RBFOX1: variants seen among roughly 807,000 people sequenced by gnomAD.
The protein encoded by RBFOX1 is RNA binding protein fox-1 homolog 1.
In RBFOX1, 8 loss-of-function variants were observed where a neutral mutation model predicts 57.7. The ratio of observed to expected loss-of-function variants is 0.14; its 90% confidence interval spans 0.08 to 0.25. RBFOX1 has a LOEUF of 0.25. RBFOX1 is among the 10% of genes least tolerant of loss of function. RBFOX1 has a pLI of 1.00. For synonymous variants in RBFOX1, 326 were observed against 222.4 expected (o/e 1.47, Z -4.15); for missense variants, 611 against 548.5 (o/e 1.11, Z -1.14).
intron 3 of RBFOX1, among the ~76,000 whole-genome samples, chr16:6,942,716 A>G (rs2078766147): frequency 6.6e-6 from 1 of 152,188 alleles, no homozygotes; most frequent in East Asian, 1.9e-4. Flanking sequence ...TCTTTGGACA[A>G]GTGACCATTT....
At chr16:5,501,897 T>C (rs1473150791) in intron 2 of RBFOX1, among the ~76,000 whole-genome samples, 5 of 151,556 alleles carry the variant, frequency 3.3e-5, no homozygotes, top group East Asian at 3.9e-4. Context: ...TATTTATTTA[T>C]TTTTTTTGTA....
chr16:5,284,651 C>T (rs2063347840), intron 1 of RBFOX1, among the ~76,000 whole-genome samples: 1 of 150,370 alleles, frequency 6.7e-6, no homozygotes, highest in Non-Finnish European at 1.5e-5. Context: ...AAATGATCTT[C>T]CTGCCTCAGT....
intron 1 of RBFOX1, among the ~76,000 whole-genome samples, chr16:5,293,729 G>A (rs2063590832): frequency 6.6e-6 from 1 of 151,172 alleles, no homozygotes; most frequent in Non-Finnish European, 1.5e-5. Flanking sequence ...GAAAGCAGGT[G>A]AATGGTTGCC....
At chr16:6,630,465 G>A (rs1189006032) in intron 2 of RBFOX1, among the ~76,000 whole-genome samples, 2 of 152,154 alleles carry the variant, frequency 1.3e-5, no homozygotes, top group East Asian at 3.9e-4. Context: ...ACATCAGTTT[G>A]CACCAGGCAC....
intron 3 of RBFOX1, among the ~76,000 whole-genome samples, chr16:6,869,685 G>C (rs2060536648): frequency 6.6e-6 from 1 of 152,134 alleles, no homozygotes; most frequent in African/African-American, 2.4e-5. Flanking sequence ...CAAATTCTAG[G>C]ACACACATTC....
At chr16:5,731,647 CA>C (rs2052378040) in intron 3 of RBFOX1, among the ~76,000 whole-genome samples, 1 of 151,956 alleles carries the variant, frequency 6.6e-6, no homozygotes, top group Admixed American at 6.6e-5. Context: ...GATATTTTTT[CA>C]AGTGAAAAAG....
At chr16:6,587,417 G>A (rs925925681) in intron 2 of RBFOX1, among the ~76,000 whole-genome samples, 1 of 152,098 alleles carries the variant, frequency 6.6e-6, no homozygotes, top group Non-Finnish European at 1.5e-5. Flanking sequence ...GAGTAGCTGG[G>A]ATTACAGGTG....
At chr16:7,258,485 A>AG (rs1301604912) in intron 4 of RBFOX1, among the ~76,000 whole-genome samples, 1 of 152,034 alleles carries the variant, frequency 6.6e-6, no homozygotes, top group African/African-American at 2.4e-5. Flanking sequence ...CTCTCTGTCA[A>AG]GGGGGGAGGC....
chr16:7,455,074 G>A (rs75475267), intron 4 of RBFOX1, among the ~76,000 whole-genome samples: 2,037 of 152,262 alleles, frequency 0.013, 40 homozygotes, highest in African/African-American at 0.046. Context: ...TAGGCACAAC[G>A]GATTCGATAG....
intron 3 of RBFOX1, among the ~76,000 whole-genome samples, chr16:6,862,087 C>G (rs750021729): frequency 1.7e-4 from 26 of 152,212 alleles, no homozygotes; most frequent in Non-Finnish European, 3.8e-4. Context: ...GAGAAGATGT[C>G]ATTGGGCTGT....
At chr16:6,857,097 G>C (rs1051718389) in intron 3 of RBFOX1, among the ~76,000 whole-genome samples, 1 of 152,078 alleles carries the variant, frequency 6.6e-6, no homozygotes, top group African/African-American at 2.4e-5. Context: ...TGAAGTGATT[G>C]CTTCAAAAAC....
chr16:5,806,055 C>T (rs2151764303), intron 3 of RBFOX1, among the ~76,000 whole-genome samples: 1 of 152,154 alleles, frequency 6.6e-6, no homozygotes, highest in Admixed American at 6.5e-5. Flanking sequence ...AAACAGCTGG[C>T]ATTATTATTC....
chr16:5,848,200 G>C (rs532711068), intron 3 of RBFOX1, among the ~76,000 whole-genome samples: 23 of 152,196 alleles, frequency 1.5e-4, no homozygotes, highest in African/African-American at 5.5e-4. Context: ...GACACCACTA[G>C]ACTATATATA....
chr16:6,490,504 A>T lies in RBFOX1; in HGVS notation c.-63-164099A>T, dbSNP rs180989095. Among the ~76,000 whole-genome samples, 32 of 152,338 alleles carry T rather than the reference A, an allele frequency of 2.1e-4. No homozygotes were observed. In the East Asian group the frequency reaches 4.6e-3, roughly 22 times the overall value. Reference sequence around the variant, plus strand: ...ATTTCATACCAGCTGTCCTCAGCTTACCAATCTAAATTTGTACGTTACTTA... The same window carrying T: ...ATTTCATACCAGCTGTCCTCAGCTTTCCAATCTAAATTTGTACGTTACTTA... On this transcript the variant is annotated intron_variant, in intron 2 of 15. Transcript: ENST00000550418.
intron 3 of RBFOX1, among the ~76,000 whole-genome samples, chr16:5,622,933 C>T (rs1053615788): frequency 1.3e-5 from 2 of 152,196 alleles, no homozygotes; most frequent in Non-Finnish European, 1.5e-5. Context: ...ATGGCACTTA[C>T]GTTGTATTGG....
intron 14 of RBFOX1, among the ~76,000 whole-genome samples, chr16:7,694,250 C>G (rs1351341473): frequency 1.3e-5 from 2 of 152,166 alleles, no homozygotes; most frequent in African/African-American, 2.4e-5. Flanking sequence ...AACTGAGCAT[C>G]CCATGACCTT....
chr16:6,850,851 A>T (rs1449825240), intron 3 of RBFOX1, among the ~76,000 whole-genome samples: 1 of 152,234 alleles, frequency 6.6e-6, no homozygotes. Context: ...CCTCCCATAT[A>T]ATTGAGCAAT....
At chr16:6,673,094 G>C (rs1460368636) in intron 3 of RBFOX1, among the ~76,000 whole-genome samples, 2 of 152,190 alleles carry the variant, frequency 1.3e-5, no homozygotes, top group African/African-American at 4.8e-5. Flanking sequence ...GATTGGTCAC[G>C]TAAATGCAAC....
chr16:7,187,587 GTT>G (rs2084202297), intron 4 of RBFOX1, among the ~76,000 whole-genome samples: 1 of 150,138 alleles, frequency 6.7e-6, no homozygotes, highest in African/African-American at 2.4e-5. Flanking sequence ...TACTCGGGAG[GTT>G]GAGGCAGGAG....
Sources: gnomAD v4.1 joint callset for allele counts (sites outside exome capture counted in the v4.1 genomes callset) on GRCh38, gnomAD v4.1.1 for gene constraint, MANE v1.5 for transcripts, NCBI Gene and HGNC (gene_info 2026-07-23, HGNC 2026-07-21) for gene names.